Variants in PSMC3 observed in about 807,000 individuals in gnomAD.
PSMC3 encodes proteasome 26S subunit, ATPase 3, also known as 26S proteasome regulatory subunit 6A.
Under a neutral mutation model 52.0 loss-of-function variants are expected in PSMC3, and 11 were observed. The observed-to-expected ratio is 0.21, with a 90% CI of 0.13 to 0.35. The LOEUF is 0.35. Among genes scored for constraint, PSMC3 ranks in the 10% least tolerant of loss-of-function variants. PSMC3 has a pLI of 1.00. For missense variants in PSMC3, 238 were observed against 567.1 expected, an observed-to-expected ratio of 0.42 and a Z score of 5.89; for synonymous variants, 201 against 218.8, an observed-to-expected ratio of 0.92 and a Z score of 0.72.
In PSMC3 at chr11:47,418,824, G is replaced by A; in HGVS notation, c.*11C>T. On this transcript the variant is annotated 3_prime_UTR_variant, in exon 12 of 12. Transcript: ENST00000298852. ...CACTTCAGCCGTGAGACTGGGGCTG[G>A]CCTGTGTGCCCTAGGCGTAGTATTG... 6.2e-7 allele frequency: 1 copy of A among 1,609,024 alleles called. No homozygotes were observed. Among genetic ancestry groups the A allele is most frequent in the Non-Finnish European group, 8.5e-7 (1 of 1,175,442 alleles).
At position 47,421,649 on chromosome 11, in the gene PSMC3, G is replaced by A. The variant is rs976466029; in HGVS notation, c.885-922C>T. ...GGGAGCAACAGGGAGGCCCAGGAAA[G>A]TTTGATTTTTTTTTTTTTTTTGAAA... On this transcript the variant is annotated intron_variant, in intron 8 of 11. Transcript: ENST00000298852. Among the ~76,000 whole-genome samples the A allele has an allele frequency of 4.2e-5, 3 of 72,244 alleles. No homozygotes were observed. In the South Asian group the frequency reaches 1.8e-3, roughly 44 times the overall value. 47.4% of individuals were successfully genotyped at this position (72,244 alleles called of 152,430 possible).
chr11:47,426,046 C>A (rs1478706062), intron 1 of PSMC3, 96 bp from the exon 2 acceptor site: 6 of 1,423,840 alleles, frequency 4.2e-6, no homozygotes. Context: ...TTTCCACGCC[C>A]ATAAAACCAG....
At position 47,420,456 on chromosome 11, in the gene PSMC3, T is replaced by C; in HGVS notation, c.982-47A>G. ...TTGAAAGGAGCAAGGTGTTCACAGATGGGCAGACACGGTCAAAAAAGGCAG... is the reference window on the plus strand; with the variant it reads ...TTGAAAGGAGCAAGGTGTTCACAGACGGGCAGACACGGTCAAAAAAGGCAG... On this transcript the variant is annotated intron_variant, in intron 9 of 11. Transcript: ENST00000298852. 1.9e-6 allele frequency: 3 copies of C among 1,589,556 alleles called. No individual in the cohort carries two copies. The South Asian group carries it at 3.4e-5, about 18-fold the overall frequency.
At chr11:47,425,444 G>T in intron 2 of PSMC3, 198 bp from the exon 3 acceptor site, 1 of 631,974 alleles carries the variant, frequency 1.6e-6, no homozygotes, top group Non-Finnish European at 2.7e-6. Context: ...GAAACCTCCT[G>T]GTGAAATAGT....
intron 8 of PSMC3, 49 bp from the exon 9 acceptor site, chr11:47,420,776 A>G: frequency 1.3e-6 from 2 of 1,481,476 alleles, no homozygotes; most frequent in Non-Finnish European, 9.2e-7. Flanking sequence ...GCTTAGGCAG[A>G]GCCCTCCCCT....
Position 47,422,996 on chromosome 11 carries a change from G to A in PSMC3, c.592-23C>T, listed in dbSNP as rs759103685. 9 of 1,594,480 alleles carry A rather than the reference G, an allele frequency of 5.6e-6. No homozygotes were observed. The highest frequency in any genetic ancestry group is 2.2e-5 in the East Asian group (1 of 44,748). Reference sequence around the variant, plus strand: ...CAGCTGCCAGGAGGAAGTCCTGGGTGAGGAGATGAAGCCCTGAGGGCTTCT... The same window carrying A: ...CAGCTGCCAGGAGGAAGTCCTGGGTAAGGAGATGAAGCCCTGAGGGCTTCT... On this transcript the variant is annotated intron_variant, in intron 6 of 11. Coordinates refer to ENST00000298852, the MANE Select transcript of PSMC3 (RefSeq NM_002804.5). This position sits in a 1 kb window ranked among gnomAD's most constrained non-coding sequence, Gnocchi z 4.3.
rs535326863 is a variant in PSMC3 at position 47,418,800 on chromosome 11, A to T, written c.*35T>A. On this transcript the variant is annotated 3_prime_UTR_variant, in exon 12 of 12. Transcript: ENST00000298852. ...GACCCTAAACCATCTTTTATTGCGC[A>T]CTTCAGCCGTGAGACTGGGGCTGGC... 1.4e-4 allele frequency: 228 copies of T among 1,575,728 alleles called. No individual in the cohort carries two copies. The highest frequency in any genetic ancestry group is 1.9e-4 in the Non-Finnish European group (222 of 1,146,190).
At chr11:47,419,748 ACTCGGGAGG>A (rs1367366112) in intron 10 of PSMC3, among the ~76,000 whole-genome samples, 1 of 151,856 alleles carries the variant, frequency 6.6e-6, no homozygotes, top group Non-Finnish European at 1.5e-5. Context: ...AGTCCCAGCT[ACTCGGGAGG>A]CTGAGGCAGG....
Position 47,424,230 on chromosome 11 carries a change from T to C in PSMC3, c.454-47A>G, listed in dbSNP as rs1390096499. On this transcript the variant is annotated intron_variant, in intron 5 of 11. Coordinates refer to ENST00000298852, the MANE Select transcript of PSMC3 (RefSeq NM_002804.5). The surrounding 1 kb of genome is among the most constrained non-coding windows in gnomAD (Gnocchi z 4.8). ...TTCAGATTTGGCCCAGCTCAAGGGCTACCCAACTGACTGGGTGACAGGTGT... is the reference window on the plus strand; with the variant it reads ...TTCAGATTTGGCCCAGCTCAAGGGCCACCCAACTGACTGGGTGACAGGTGT... 1 of 1,613,628 alleles carries C rather than the reference T, an allele frequency of 6.2e-7. No individual in the cohort carries two copies. Among genetic ancestry groups the C allele is most frequent in the Non-Finnish European group, 8.5e-7 (1 of 1,179,542 alleles).
In PSMC3 at chr11:47,422,071, T is replaced by A. The variant is rs2096041295; in HGVS notation, c.884+503A>T. On this transcript the variant is annotated intron_variant, in intron 8 of 11. Coordinates refer to ENST00000298852, the MANE Select transcript of PSMC3 (RefSeq NM_002804.5). The surrounding 1 kb of genome is among the most constrained non-coding windows in gnomAD (Gnocchi z 4.3). ...TTCTTTTTTTTTTTTTGAGACAGAG[T>A]CTCACTCTTTCACCAGGCTGGAGTG... Among the ~76,000 whole-genome samples, 1 of 149,316 alleles carries A rather than the reference T, an allele frequency of 6.7e-6. No individual in the cohort carries two copies. The highest frequency in any genetic ancestry group is 3.4e-3 in the Middle Eastern group (1 of 294).
At chr11:47,425,488 A>T (rs2096045334) in intron 2 of PSMC3, 3 of 584,952 alleles carry the variant, frequency 5.1e-6, no homozygotes, top group Non-Finnish European at 9.1e-6. Flanking sequence ...CCTCCGAGAG[A>T]GGCAAACATA....
chr11:47,420,362 G>C lies in PSMC3; in HGVS notation c.1029C>G (p.Leu343=). 6.2e-7 allele frequency: 1 copy of C among 1,614,214 alleles called. No individual in the cohort carries two copies. The highest frequency in any genetic ancestry group is 8.5e-7 in the Non-Finnish European group (1 of 1,180,032). ...TCTTGCGGTCAAGGCGGCCCGAGCG[G>C]AGGAGGGCGGGGTCCAGGATGTCCA... ...NRVDILDPAL[L]RSGRLDRKIE... Residue 343 remains leucine, a synonymous_variant, in exon 10 of 12, where the codon CTC becomes CTG. Transcript: ENST00000298852.
At position 47,425,276 on chromosome 11, in the gene PSMC3, A is replaced by G. The variant is rs778700507; in HGVS notation, c.160-30T>C. On this transcript the variant is annotated intron_variant, in intron 2 of 11. Transcript: ENST00000298852. Reference sequence around the variant, plus strand: ...GATCAGGAGGGGAGGAGAAGCAAATATAAACCCTGGCACAGCTTATGCTAG... The same window carrying G: ...GATCAGGAGGGGAGGAGAAGCAAATGTAAACCCTGGCACAGCTTATGCTAG... The G allele has an allele frequency of 5.6e-6, 9 of 1,613,286 alleles. No homozygotes were observed. In the South Asian group the frequency reaches 9.9e-5, roughly 18 times the overall value.
At chr11:47,420,113 C>T (rs2242511) in intron 10 of PSMC3, 151 bp downstream of exon 10, 129,570 of 915,246 alleles carry the variant, frequency 0.14, 12,033 homozygotes, top group East Asian at 0.36. Flanking sequence ...TGAGGAGAAA[C>T]GGAGGCTGGC....
chr11:47,419,476 G>C (rs75944313), intron 10 of PSMC3, among the ~76,000 whole-genome samples: 2,194 of 152,258 alleles, frequency 0.014, 45 homozygotes, highest in African/African-American at 0.05. Flanking sequence ...TCCTCATCCT[G>C]TGCCCAGCAC....
rs1255723863 is a variant in PSMC3 at position 47,418,910 on chromosome 11, G to A, written c.1245C>T (p.Leu415=). 1 of 1,614,076 alleles carries A rather than the reference G, an allele frequency of 6.2e-7. No individual in the cohort carries two copies. The highest frequency in any genetic ancestry group is 8.5e-7 in the Non-Finnish European group (1 of 1,180,038). Residue 415 remains leucine, a synonymous_variant, in exon 12 of 12, where the codon CTC becomes CTT. Coordinates refer to ENST00000298852, the MANE Select transcript of PSMC3 (RefSeq NM_002804.5). ...MIALRRGATE[L]THEDYMEGIL... ...TGCCTTCCATGTAGTCCTCGTGGGT[G>A]AGCTCCGTGGCACCCCTGCGCAGTG... is the stretch of plus-strand genomic sequence containing the variant.
At chr11:47,419,597 T>C (rs7106027) in intron 10 of PSMC3, among the ~76,000 whole-genome samples, 2,087 of 151,998 alleles carry the variant, frequency 0.014, 26 homozygotes, top group African/African-American at 0.035. Context: ...TGGTGGCTCA[T>C]ACCTATAATC....
At position 47,425,945 on chromosome 11, in the gene PSMC3, A is replaced by G. The variant is rs1220865773; in HGVS notation, c.81T>C (p.Asp27=). 1 of 1,612,152 alleles carries G rather than the reference A, an allele frequency of 6.2e-7. No individual in the cohort carries two copies. Among genetic ancestry groups the G allele is most frequent in the Admixed American group, 1.7e-5 (1 of 59,986 alleles). Residue 27 remains aspartate (D), a synonymous_variant, in exon 2 of 12, where the codon GAT becomes GAC. Coordinates refer to ENST00000298852, the MANE Select transcript of PSMC3 (RefSeq NM_002804.5). ...TCTTGAGCACCTCCTCCCCAATTCC[A>G]TCTTGCTGTAAAAAATTATTTGTTT... The part of the protein sequence containing the change: ...MATVWDEAEQ[D]GIGEEVLKMS...
Position 47,422,277 on chromosome 11 carries a change from C to T in PSMC3, c.884+297G>A, listed in dbSNP as rs555312814. 2.0e-5 allele frequency among the ~76,000 whole-genome samples: 3 copies of T among 152,108 alleles called. No individual in the cohort carries two copies. Among genetic ancestry groups the T allele is most frequent in the East Asian group, 1.9e-4 (1 of 5,154 alleles). On this transcript the variant is annotated intron_variant, in intron 8 of 11. Coordinates refer to ENST00000298852, the MANE Select transcript of PSMC3 (RefSeq NM_002804.5). This position sits in a 1 kb window ranked among gnomAD's most constrained non-coding sequence, Gnocchi z 4.3. ...CAGGATGGTCTCGATCTCCTGACCT[C>T]GTGATCCGCCTGCCTCGGCCTCCCA...
Sources: gnomAD v4.1 joint callset for allele counts (sites outside exome capture counted in the v4.1 genomes callset) on GRCh38, gnomAD v4.1.1 for gene constraint, Gnocchi (gnomAD v3.1) non-coding constraint, MANE v1.5 for transcripts, NCBI Gene and HGNC (gene_info 2026-07-23, HGNC 2026-07-21) for gene names.